ATP13A5: variants seen among roughly 807,000 people sequenced by gnomAD.
ATP13A5 encodes probable cation-transporting ATPase 13A5.
ATP13A5 carries 149 observed loss-of-function variants against 150.2 expected under a neutral mutation model. The observed-to-expected ratio is 0.99, with a 90% CI of 0.87 to 1.14. The LOEUF (loss-of-function observed/expected upper bound fraction) is 1.14. ATP13A5 is among the 50% of genes most tolerant of loss of function. The probability of loss-of-function intolerance (pLI) is 0.00; values close to 1 mark genes in which losing one functional copy is unlikely to be tolerated. For synonymous variants in ATP13A5, 497 were observed against 522.2 expected, an observed-to-expected ratio of 0.95 and a Z score of 0.66; for missense variants, 1,383 against 1,449.3, an observed-to-expected ratio of 0.95 and a Z score of 0.74.
At chr3:193,343,073 T>G (rs758206196) in intron 9 of ATP13A5, among the ~76,000 whole-genome samples, 33 of 152,320 alleles carry the variant, frequency 2.2e-4, no homozygotes, top group Non-Finnish European at 4.0e-4. Context: ...AAAATCTGCT[T>G]GTGTTGAACA....
intron 9 of ATP13A5, among the ~76,000 whole-genome samples, chr3:193,335,473 A>G (rs1711818236): frequency 6.6e-6 from 1 of 152,160 alleles, no homozygotes; most frequent in South Asian, 2.1e-4. Context: ...TTTGCTTTGC[A>G]TTCACTCATT....
intron 1 of ATP13A5, among the ~76,000 whole-genome samples, chr3:193,366,149 A>T (rs1461845425): frequency 6.6e-6 from 1 of 152,070 alleles, no homozygotes; most frequent in African/African-American, 2.4e-5. Context: ...GTGATGTAGA[A>T]ACCTGGAGCA....
chr3:193,368,572 T>C (rs547191343), intron 1 of ATP13A5, among the ~76,000 whole-genome samples: 36 of 152,106 alleles, frequency 2.4e-4, no homozygotes, highest in South Asian at 1.9e-3. Context: ...AAATGAGGTA[T>C]ACACACAAGT....
intron 25 of ATP13A5, among the ~76,000 whole-genome samples, chr3:193,295,209 A>G (rs888898460): frequency 6.6e-6 from 1 of 152,094 alleles, no homozygotes. Flanking sequence ...GATTTCACAT[A>G]CGCTGCAGTG....
chr3:193,366,134 A>G (rs1713231110), intron 1 of ATP13A5, among the ~76,000 whole-genome samples: 1 of 152,112 alleles, frequency 6.6e-6, no homozygotes, highest in South Asian at 2.1e-4. Flanking sequence ...TGAATGGAGC[A>G]TACTGTGATG....
intron 23 of ATP13A5, among the ~76,000 whole-genome samples, chr3:193,304,078 A>G (rs1718517239): frequency 6.6e-6 from 1 of 152,190 alleles, no homozygotes; most frequent in African/African-American, 2.4e-5. Flanking sequence ...AGTCACCATG[A>G]CACAAACCAA....
chr3:193,368,716 G>A (rs1007080452), intron 1 of ATP13A5, among the ~76,000 whole-genome samples: 1 of 152,096 alleles, frequency 6.6e-6, no homozygotes. Flanking sequence ...AGAGCAAAAC[G>A]AATAGCACTG....
At position 193,362,561 on chromosome 3, in the gene ATP13A5, AC is replaced by A. The variant is rs778353648; in HGVS notation, c.455+5del. On this transcript the variant is annotated splice_donor_5th_base_variant and intron_variant, in intron 4 of 29. Transcript: ENST00000342358. The stretch of plus-strand genomic sequence containing the variant: ...TGACCAAGGGGTGACAAAACATTGT[AC>A]TTACCCAACTTTCTGAAACCGCTTC... The A allele has an allele frequency of 6.4e-5, 103 of 1,614,074 alleles. No homozygotes were observed. In the African/African-American group the frequency reaches 1.3e-3, roughly 20 times the overall value.
Position 193,321,871 on chromosome 3 carries a change from G to A in ATP13A5, c.1759-34C>T, listed in dbSNP as rs13087794. The A allele has an allele frequency of 5.0e-6, 8 of 1,605,186 alleles. No individual in the cohort carries two copies. In the East Asian group the frequency reaches 1.3e-4, roughly 27 times the overall value. On this transcript the variant is annotated intron_variant, in intron 15 of 29. Transcript: ENST00000342358. ...CCATCAACAACAGGGAGCTTAACAA[G>A]CTGCTAAGTGATATTTCCAAATGCA...
intron 1 of ATP13A5, among the ~76,000 whole-genome samples, chr3:193,376,681 T>C (rs1713656339): frequency 6.6e-6 from 1 of 152,352 alleles, no homozygotes; most frequent in Middle Eastern, 3.4e-3. Flanking sequence ...TTCTTCCTGA[T>C]GCTCTCCCTT....
At chr3:193,378,382 G>A (rs1377010797) in intron 1 of ATP13A5, among the ~76,000 whole-genome samples, 3 of 152,110 alleles carry the variant, frequency 2.0e-5, no homozygotes, top group Non-Finnish European at 2.9e-5. Context: ...AGCACCATGC[G>A]GGGCTCTGCA....
chr3:193,333,964 A>C, intron 10 of ATP13A5, 57 bp from the exon 11 acceptor site: 1 of 1,536,360 alleles, frequency 6.5e-7, no homozygotes, highest in Non-Finnish European at 8.9e-7. Context: ...TTGGTCTCCT[A>C]AAAATGGCTT....
chr3:193,330,211 C>A (rs9852943), intron 12 of ATP13A5, among the ~76,000 whole-genome samples: 2 of 152,166 alleles, frequency 1.3e-5, no homozygotes, highest in Non-Finnish European at 2.9e-5. Context: ...GGTAACTGTG[C>A]CCCGCGCTTT....
chr3:193,297,824 C>T (rs937233612), intron 25 of ATP13A5, among the ~76,000 whole-genome samples: 4 of 152,084 alleles, frequency 2.6e-5, no homozygotes, highest in African/African-American at 9.7e-5. Context: ...TGTGCAAAAG[C>T]TCCAAATAAC....
At chr3:193,324,243 A>G (rs1039006686) in intron 14 of ATP13A5, among the ~76,000 whole-genome samples, 3 of 152,168 alleles carry the variant, frequency 2.0e-5, no homozygotes, top group African/African-American at 7.2e-5. Flanking sequence ...AGATTGAACC[A>G]GTTGGAATGC....
At chr3:193,309,295 C>T (rs1187363338) in intron 21 of ATP13A5, among the ~76,000 whole-genome samples, 2 of 152,202 alleles carry the variant, frequency 1.3e-5, no homozygotes, top group African/African-American at 4.8e-5. Flanking sequence ...ATTCACATAT[C>T]TTCTAATGGA....
At chr3:193,290,355 A>T (rs1717903548) in intron 25 of ATP13A5, among the ~76,000 whole-genome samples, 1 of 152,142 alleles carries the variant, frequency 6.6e-6, no homozygotes, top group Non-Finnish European at 1.5e-5. Flanking sequence ...CAGACTGACC[A>T]GAAATTGTGT....
chr3:193,332,739 C>T (rs961952938), intron 11 of ATP13A5, among the ~76,000 whole-genome samples: 4 of 152,102 alleles, frequency 2.6e-5, no homozygotes, highest in Non-Finnish European at 5.9e-5. Context: ...CAGATAGAGG[C>T]AGCCAACAGA....
chr3:193,316,879 A>G (rs1413918464), intron 17 of ATP13A5, among the ~76,000 whole-genome samples: 1 of 152,226 alleles, frequency 6.6e-6, no homozygotes, highest in Non-Finnish European at 1.5e-5. Context: ...AAATCAACTC[A>G]AAATGGATTA....
Sources: gnomAD v4.1 joint callset for allele counts (sites outside exome capture counted in the v4.1 genomes callset) on GRCh38, gnomAD v4.1.1 for gene constraint, MANE v1.5 for transcripts, NCBI Gene and HGNC (gene_info 2026-07-23, HGNC 2026-07-21) for gene names.